Variants in ZMIZ1 observed in about 807,000 individuals in gnomAD.
ZMIZ1 encodes the protein zinc finger MIZ-type containing 1.
A neutral mutation model predicts 113.9 loss-of-function variants in ZMIZ1; 17 were observed. The observed-to-expected ratio is 0.15, with a 90% CI of 0.10 to 0.22. The LOEUF (loss-of-function observed/expected upper bound fraction) is 0.22, where lower values mean the gene tolerates loss of function less well. Ranked by LOEUF, ZMIZ1 falls within the 10% of genes least tolerant of loss-of-function variation. The pLI, the probability that ZMIZ1 is intolerant of heterozygous loss-of-function variation, is 1.00. For synonymous variants in ZMIZ1, 607 were observed against 603.1 expected, an observed-to-expected ratio of 1.01 and a Z score of -0.09; for missense variants, 1,059 against 1,477.8, an observed-to-expected ratio of 0.72 and a Z score of 4.65.
At chr10:79,185,095 C>G (rs914893649) in intron 4 of ZMIZ1, among the ~76,000 whole-genome samples, 1 of 151,884 alleles carries the variant, frequency 6.6e-6, no homozygotes, top group African/African-American at 2.4e-5. Flanking sequence ...GACGGTGAAG[C>G]CTTGGCTGTG....
chr10:79,257,734 A>G (rs2131889900), intron 7 of ZMIZ1, among the ~76,000 whole-genome samples: 1 of 152,350 alleles, frequency 6.6e-6, no homozygotes, highest in South Asian at 2.1e-4. Context: ...CCAGGTGTCC[A>G]GTGGAAAGAC....
At chr10:79,177,463 C>A (rs1846921190) in intron 4 of ZMIZ1, among the ~76,000 whole-genome samples, 1 of 152,184 alleles carries the variant, frequency 6.6e-6, no homozygotes, top group Admixed American at 6.5e-5. Context: ...TCAAGCACAC[C>A]CAGACCCGTT....
chr10:79,111,163 A>G (rs1252519476), intron 1 of ZMIZ1, among the ~76,000 whole-genome samples: 1 of 152,166 alleles, frequency 6.6e-6, no homozygotes, highest in East Asian at 1.9e-4. Context: ...GGTCCAGTAG[A>G]GGATGCAATG....
chr10:79,078,177 AT>A (rs1196999023), intron 1 of ZMIZ1, among the ~76,000 whole-genome samples: 2 of 152,038 alleles, frequency 1.3e-5, no homozygotes, highest in Non-Finnish European at 2.9e-5. Context: ...TGAGAAGCTT[AT>A]TTTTTTCATG....
chr10:79,207,945 C>T (rs1353595481), intron 5 of ZMIZ1, among the ~76,000 whole-genome samples: 3 of 151,832 alleles, frequency 2.0e-5, no homozygotes, highest in African/African-American at 4.8e-5. Flanking sequence ...CTTCCGCCAC[C>T]CCCACCAGCA....
At chr10:79,144,136 C>G (rs1031994536) in intron 3 of ZMIZ1, among the ~76,000 whole-genome samples, 1 of 152,194 alleles carries the variant, frequency 6.6e-6, no homozygotes, top group Non-Finnish European at 1.5e-5. Context: ...CCTTTAGACT[C>G]ACTTTTCTTT....
Position 79,314,251 on chromosome 10 carries a change from T to C in ZMIZ1, c.*1502T>C. On this transcript the variant is annotated 3_prime_UTR_variant, in exon 25 of 25. Transcript: ENST00000334512. The stretch of plus-strand genomic sequence containing the variant: ...TCTGTGCCCCGTGAGCCACATGGCC[T>C]AGGGTGATGCCAGGTTGTCCCGTCA... The C allele has an allele frequency of 2.2e-6, 1 of 456,900 alleles. No individual in the cohort carries two copies. 28.3% of individuals were successfully genotyped at this position (456,900 alleles called of 1,614,324 possible). A position where few individuals can be genotyped will look rare whatever the true frequency, so the allele number is the denominator to read the frequency against.
chr10:79,147,412 T>C (rs1845535517), intron 3 of ZMIZ1, among the ~76,000 whole-genome samples: 1 of 152,026 alleles, frequency 6.6e-6, no homozygotes, highest in Non-Finnish European at 1.5e-5. Flanking sequence ...ACAACCACCA[T>C]GTGTATGGCC....
At chr10:79,179,003 AC>A (rs1233429266) in intron 4 of ZMIZ1, among the ~76,000 whole-genome samples, 1 of 152,148 alleles carries the variant, frequency 6.6e-6, no homozygotes, top group Non-Finnish European at 1.5e-5. Context: ...CTCAGTCCAG[AC>A]CCTGGAGGAA....
intron 3 of ZMIZ1, among the ~76,000 whole-genome samples, chr10:79,150,099 G>T (rs1260144333): frequency 6.6e-6 from 1 of 152,226 alleles, no homozygotes; most frequent in East Asian, 1.9e-4. Context: ...GGGCGGGGCT[G>T]GAGGATGGGG....
intron 6 of ZMIZ1, among the ~76,000 whole-genome samples, chr10:79,212,269 T>TG (rs1848557722): frequency 6.6e-6 from 1 of 152,124 alleles, no homozygotes; most frequent in Non-Finnish European, 1.5e-5. Flanking sequence ...GCGATCCTCC[T>TG]GCCTCAGCCT....
intron 4 of ZMIZ1, among the ~76,000 whole-genome samples, chr10:79,162,806 T>C (rs1252732906): frequency 1.3e-5 from 2 of 152,126 alleles, no homozygotes; most frequent in Non-Finnish European, 2.9e-5. Flanking sequence ...TCCACCACCC[T>C]GCTCCCCCTG....
At position 79,304,007 on chromosome 10, in the gene ZMIZ1, C is replaced by A. The variant is rs756081550; in HGVS notation, c.2126-8C>A. On this transcript the variant is annotated splice_polypyrimidine_tract_variant and splice_region_variant and intron_variant, in intron 18 of 24. Transcript: ENST00000334512. ...CATCCTCACCTGTCTGTGCCTCCTG[C>A]CCCGCAGTCAAGCGGAATTTCAGCA... 6.2e-7 allele frequency: 1 copy of A among 1,613,828 alleles called. No homozygotes were observed. Among genetic ancestry groups the A allele is most frequent in the East Asian group, 2.2e-5 (1 of 44,876 alleles).
intron 1 of ZMIZ1, among the ~76,000 whole-genome samples, chr10:79,093,289 T>TTTTATTTATTTA (rs367815803): frequency 3.6e-5 from 5 of 140,212 alleles, no homozygotes; most frequent in Admixed American, 7.3e-5. Context: ...CCCAGTTTTA[T>TTTTATTTATTTA]TTTATTTATT....
At chr10:79,114,494 C>CGCGT (rs1843916381) in intron 1 of ZMIZ1, among the ~76,000 whole-genome samples, 2 of 114,342 alleles carry the variant, frequency 1.7e-5, no homozygotes, top group Non-Finnish European at 3.5e-5. Flanking sequence ...TGTGTGTGTG[C>CGCGT]GTGTGTGTGT....
At chr10:79,259,303 G>C (rs1394729724) in intron 7 of ZMIZ1, among the ~76,000 whole-genome samples, 2 of 152,138 alleles carry the variant, frequency 1.3e-5, no homozygotes, top group Non-Finnish European at 1.5e-5. Context: ...GAAGAGAGAG[G>C]AGGCCAGACC....
chr10:79,281,829 A>G (rs1589556694), intron 8 of ZMIZ1, among the ~76,000 whole-genome samples: 2 of 152,230 alleles, frequency 1.3e-5, no homozygotes, highest in Non-Finnish European at 2.9e-5. Context: ...TTGCCCCAGA[A>G]CACACAGCCA....
At chr10:79,242,525 G>A (rs1849890164) in intron 7 of ZMIZ1, among the ~76,000 whole-genome samples, 1 of 151,682 alleles carries the variant, frequency 6.6e-6, no homozygotes, top group Non-Finnish European at 1.5e-5. Flanking sequence ...GATTTAATCT[G>A]GATGCCTAGC....
rs776287151 is a variant in ZMIZ1, at chr10:79,311,204, C to G, written c.3096+20C>G. ...CTGGATGTAAGTTGGGGTCGCCACT[C>G]GCCTTGGCCTGGGGCTAGGCCTGGC... On this transcript the variant is annotated intron_variant, in intron 24 of 24. Transcript: ENST00000334512. 3 of 1,593,270 alleles carry G rather than the reference C, an allele frequency of 1.9e-6. No homozygotes were observed. Among genetic ancestry groups the G allele is most frequent in the African/African-American group, 2.7e-5 (2 of 74,626 alleles).
Sources: allele counts gnomAD v4.1 joint callset (sites outside exome capture counted in the v4.1 genomes callset), GRCh38; gene constraint gnomAD v4.1.1; transcripts MANE v1.5; gene names NCBI Gene and HGNC (gene_info 2026-07-23, HGNC 2026-07-21).